Variants in TET2 observed in about 807,000 individuals in gnomAD.
TET2 encodes the protein methylcytosine dioxygenase TET2.
TET2 carries 299 observed loss-of-function variants against 142.9 expected under a neutral mutation model. That is an observed-to-expected ratio of 2.09 (90% CI 1.90 to 2.30). The LOEUF (loss-of-function observed/expected upper bound fraction) is 2.30, where lower values mean the gene tolerates loss of function less well. Ranked by LOEUF, TET2 falls within the 30% of genes most tolerant of loss-of-function variation. TET2 has a pLI of 0.00. For synonymous variants in TET2, 819 were observed against 849.0 expected, an observed-to-expected ratio of 0.96 and a Z score of 0.61; for missense variants, 2,418 against 2,378.0, an observed-to-expected ratio of 1.02 and a Z score of -0.35.
intron 1 of TET2, among the ~76,000 whole-genome samples, chr4:105,148,776 T>C (rs189909794): frequency 6.6e-6 from 1 of 152,298 alleles, no homozygotes; most frequent in East Asian, 1.9e-4. Context: ...TAATGAAGTG[T>C]TGGATAATCA....
chr4:105,198,000 C>A (rs1030963612), intron 2 of TET2, among the ~76,000 whole-genome samples: 3 of 152,046 alleles, frequency 2.0e-5, no homozygotes, highest in Non-Finnish European at 4.4e-5. Flanking sequence ...AGAGTAGCAA[C>A]GTAGAAAAGC....
chr4:105,226,569 G>A (rs1728204104), intron 2 of TET2, among the ~76,000 whole-genome samples: 1 of 151,608 alleles, frequency 6.6e-6, no homozygotes, highest in African/African-American at 2.4e-5. Context: ...TCTGGTTAAG[G>A]GTGTGTGGCA....
rs929402727 is a variant in TET2 at position 105,154,943 on chromosome 4, C to T, written c.-193+7964C>T. On this transcript the variant is annotated intron_variant, in intron 1 of 10. Transcript: ENST00000380013. ...GTGGGGCTGAGGCGGGAGGATGGCT[C>T]GAGCCTGGGAAGTTGAGGCTGCAGT... Among the ~76,000 whole-genome samples the T allele has an allele frequency of 7.2e-5, 11 of 151,888 alleles. No homozygotes were observed. The East Asian group carries it at 1.4e-3, about 19-fold the overall frequency.
intron 1 of TET2, among the ~76,000 whole-genome samples, chr4:105,183,437 C>A (rs1014654454): frequency 1.3e-5 from 2 of 151,962 alleles, no homozygotes; most frequent in Admixed American, 6.6e-5. Flanking sequence ...TTCAATAACT[C>A]TTTTTCCTAT....
intron 6 of TET2, among the ~76,000 whole-genome samples, chr4:105,252,415 C>G (rs1473388981): frequency 6.6e-6 from 1 of 152,154 alleles, no homozygotes; most frequent in Non-Finnish European, 1.5e-5. Flanking sequence ...TTTATCCATT[C>G]ACATAGTGAA....
At chr4:105,238,262 C>G (rs1412297633) in intron 3 of TET2, 2 of 238,710 alleles carry the variant, frequency 8.4e-6, no homozygotes, top group African/African-American at 4.5e-5. Flanking sequence ...GTGGACTGAT[C>G]ATGGTGGTAG....
intron 1 of TET2, among the ~76,000 whole-genome samples, chr4:105,181,498 G>A (rs951408116): frequency 6.6e-6 from 1 of 152,108 alleles, no homozygotes; most frequent in Non-Finnish European, 1.5e-5. Context: ...TTTAACACAG[G>A]ACAATCAACA....
chr4:105,248,107 A>G (rs938477815), intron 6 of TET2, among the ~76,000 whole-genome samples: 5 of 152,120 alleles, frequency 3.3e-5, no homozygotes, highest in Non-Finnish European at 7.4e-5. Context: ...CATCTTATTT[A>G]TATACATCAG....
chr4:105,168,679 C>T (rs564703544), intron 1 of TET2, among the ~76,000 whole-genome samples: 2 of 151,964 alleles, frequency 1.3e-5, no homozygotes, highest in South Asian at 2.1e-4. Context: ...TCTTGGTGCA[C>T]CTATCACCCG....
Position 105,241,577 on chromosome 4 carries a change from C to T in TET2, c.3500+148C>T, listed in dbSNP as rs928179476. 3.5e-6 allele frequency: 5 copies of T among 1,422,514 alleles called. No individual in the cohort carries two copies. In the East Asian group the frequency reaches 1.3e-4, roughly 37 times the overall value. The allele number at this position is 1,422,514 out of a possible 1,614,324, so 88.1% of individuals were successfully genotyped here. A position where few individuals can be genotyped will look rare whatever the true frequency, so the allele number is the denominator to read the frequency against. On this transcript the variant is annotated intron_variant, in intron 4 of 10. Coordinates refer to ENST00000380013, the MANE Select transcript of TET2 (RefSeq NM_001127208.3). ...CTATTCTAGGGTTGCCAACACTACA[C>T]ACTGTGCTATTCACCAGAGAGTCAC...
At chr4:105,245,332 A>AT (rs879597005) in intron 6 of TET2, among the ~76,000 whole-genome samples, 237 of 144,246 alleles carry the variant, frequency 1.6e-3, no homozygotes, top group South Asian at 1.8e-3. Flanking sequence ...TTAAGCATAA[A>AT]TTTTTTTTTT....
At chr4:105,238,893 A>G (rs1560549682) in intron 3 of TET2, 3 of 239,358 alleles carry the variant, frequency 1.3e-5, no homozygotes, top group South Asian at 1.8e-4. Context: ...GACTAACAAT[A>G]TATTTCTTAA....
intron 2 of TET2, among the ~76,000 whole-genome samples, chr4:105,233,418 A>G (rs1728627665): frequency 6.9e-6 from 1 of 144,824 alleles, no homozygotes; most frequent in South Asian, 2.2e-4. Flanking sequence ...GCAGTAGATC[A>G]GGAGGAGGCA....
chr4:105,237,744 C>A, intron 3 of TET2: 1 of 1,178,460 alleles, frequency 8.5e-7, no homozygotes, highest in Non-Finnish European at 1.1e-6. Flanking sequence ...GTCTAATGTA[C>A]GAACTTTAAA....
At chr4:105,193,891 A>G (rs1173594646) in intron 2 of TET2, among the ~76,000 whole-genome samples, 1 of 152,200 alleles carries the variant, frequency 6.6e-6, no homozygotes, top group Non-Finnish European at 1.5e-5. Flanking sequence ...ATACTAACAT[A>G]GTACAAAAGT....
chr4:105,178,130 T>G (rs1428968335), intron 1 of TET2: 1 of 151,866 alleles, frequency 6.6e-6, no homozygotes, highest in East Asian at 1.9e-4. Flanking sequence ...AAAACTTATC[T>G]CCACATAAAA....
At chr4:105,185,773 T>C (rs1014384761) in intron 1 of TET2, among the ~76,000 whole-genome samples, 1 of 152,080 alleles carries the variant, frequency 6.6e-6, no homozygotes, top group Non-Finnish European at 1.5e-5. Context: ...AGCAAGACTC[T>C]GTCTCTAAAA....
chr4:105,270,506 C>T (rs1357121610), intron 9 of TET2, among the ~76,000 whole-genome samples: 1 of 152,094 alleles, frequency 6.6e-6, no homozygotes, highest in African/African-American at 2.4e-5. Flanking sequence ...GCATATTCAC[C>T]TTACAGAGAG....
intron 8 of TET2, among the ~76,000 whole-genome samples, chr4:105,265,160 G>C (rs996548946): frequency 6.6e-6 from 1 of 152,152 alleles, no homozygotes; most frequent in Non-Finnish European, 1.5e-5. Context: ...TTAGACAAAT[G>C]CTTCTAAGAG....
Sources: gnomAD v4.1 joint callset for allele counts (sites outside exome capture counted in the v4.1 genomes callset) on GRCh38, gnomAD v4.1.1 for gene constraint, MANE v1.5 for transcripts, NCBI Gene and HGNC (gene_info 2026-07-23, HGNC 2026-07-21) for gene names.